TRIM22: variants seen among roughly 807,000 people sequenced by gnomAD.
The protein encoded by TRIM22 is E3 ubiquitin-protein ligase TRIM22.
TRIM22 carries 45 observed loss-of-function variants against 53.6 expected under a neutral mutation model. The observed-to-expected ratio is 0.84, with a 90% CI of 0.66 to 1.08. The LOEUF (loss-of-function observed/expected upper bound fraction) is 1.08, where lower values mean the gene tolerates loss of function less well. TRIM22 is among the 50% of genes least tolerant of loss of function. The probability of loss-of-function intolerance (pLI) is 0.00; values close to 1 mark genes in which losing one functional copy is unlikely to be tolerated. For missense variants in TRIM22, 616 were observed against 590.9 expected (o/e 1.04, Z -0.44); for synonymous variants, 225 against 216.6 (o/e 1.04, Z -0.34).
intron 6 of TRIM22, 140 bp downstream of exon 6, chr11:5,708,413 G>T (rs1252215055): frequency 1.0e-6 from 1 of 988,270 alleles, no homozygotes; most frequent in African/African-American, 1.6e-5. Context: ...TGTAGATGTG[G>T]TCCTGTCTTA....
intron 5 of TRIM22, 49 bp from the exon 6 acceptor site, chr11:5,708,124 A>G: frequency 7.0e-7 from 1 of 1,428,600 alleles, no homozygotes; most frequent in Non-Finnish European, 9.9e-7. Flanking sequence ...TCTTGGATGG[A>G]GAGAAATAGG....
At chr11:5,698,775 AT>A (rs1474113699) in intron 4 of TRIM22, among the ~76,000 whole-genome samples, 2 of 152,208 alleles carry the variant, frequency 1.3e-5, no homozygotes, top group Non-Finnish European at 2.9e-5. Flanking sequence ...CAGTGTAAAA[AT>A]TTGAGCTTGG....
intron 1 of TRIM22, among the ~76,000 whole-genome samples, chr11:5,692,876 C>CTTTTTTT (rs376485434): frequency 7.5e-6 from 1 of 132,918 alleles, no homozygotes; most frequent in Non-Finnish European, 1.6e-5. Context: ...TTAATTTAAT[C>CTTTTTTT]TTTTTTTTTT....
chr11:5,699,782 G>A (rs189956659), intron 4 of TRIM22, among the ~76,000 whole-genome samples: 1 of 144,648 alleles, frequency 6.9e-6, no homozygotes, highest in East Asian at 2.0e-4. Context: ...GTATCTCAAT[G>A]CAGTTTTGAT....
At chr11:5,706,705 A>C (rs1240576944) in intron 5 of TRIM22, 89 bp downstream of exon 5, 18 of 1,330,060 alleles carry the variant, frequency 1.4e-5, no homozygotes, top group Non-Finnish European at 1.8e-5. Context: ...AACAACTTAA[A>C]AAATCAAAAG....
Position 5,709,563 on chromosome 11 carries a change from G to A in TRIM22, c.1412G>A (p.Gly471Glu), listed in dbSNP as rs371139090. The A allele has an allele frequency of 1.4e-5, 23 of 1,613,716 alleles. No homozygotes were observed. The highest frequency in any genetic ancestry group is 3.3e-5 in the Admixed American group (2 of 59,964). ...NHGALIYKFSGCRFSRPAYPY... is the reference protein window; with the variant it reads ...NHGALIYKFSECRFSRPAYPY... ...GGAGCACTCATCTACAAGTTCTCTG[G>A]ATGTCGCTTTTCTCGACCTGCTTAT... is the stretch of plus-strand genomic sequence containing the variant. The change falls in exon 8 of 8, where the codon GGA becomes GAA. Residue 471 changes from glycine to glutamate, a missense_variant. Gly to Glu is a moderately conservative substitution (Grantham distance 98). Transcript: ENST00000379965.
intron 1 of TRIM22, among the ~76,000 whole-genome samples, 163 bp from the exon 2 acceptor site, chr11:5,696,004 A>G (rs1853253415): frequency 6.6e-6 from 1 of 152,206 alleles, no homozygotes; most frequent in South Asian, 2.1e-4. Context: ...AGTGTTTGAA[A>G]TTACTACAAA....
At chr11:5,695,236 GT>G (rs1853238048) in intron 1 of TRIM22, among the ~76,000 whole-genome samples, 1 of 152,194 alleles carries the variant, frequency 6.6e-6, no homozygotes, top group South Asian at 2.1e-4. Flanking sequence ...GTAAATTATA[GT>G]ATGTCCTTCT....
Position 5,709,354 on chromosome 11 carries a change from T to C in TRIM22, c.1203T>C (p.Tyr401=), listed in dbSNP as rs183243171. ...SVNYSKVYSR[Y]RPQYGYWVIG... ...ATTATTCAAAAGTTTACTCCAGATA[T>C]AGACCTCAATATGGCTACTGGGTTA... Residue 401 remains tyrosine (Y), a synonymous_variant, in exon 8 of 8, where the codon TAT becomes TAC. Transcript: ENST00000379965. 7.6e-3 allele frequency: 12,284 copies of C among 1,614,204 alleles called. 76 individuals carry two copies. The highest frequency in any genetic ancestry group is 9.7e-3 in the South Asian group (885 of 91,086).
intron 5 of TRIM22, among the ~76,000 whole-genome samples, chr11:5,707,702 CT>C (rs1360617470): frequency 1.3e-5 from 2 of 152,032 alleles, no homozygotes; most frequent in African/African-American, 2.4e-5. Context: ...ATCCCAGCTA[CT>C]TGGGAGGCTG....
chr11:5,705,898 C>T (rs1853450808), intron 4 of TRIM22, among the ~76,000 whole-genome samples: 1 of 152,102 alleles, frequency 6.6e-6, no homozygotes, highest in Non-Finnish European at 1.5e-5. Flanking sequence ...TGTATGAGAT[C>T]ACCTACAGTG....
rs770713012 is a variant in TRIM22, at chr11:5,706,617, G to C, written c.773+1G>C. 4.3e-6 allele frequency: 7 copies of C among 1,611,382 alleles called. No homozygotes were observed. Among genetic ancestry groups the C allele is most frequent in the African/African-American group, 1.3e-5 (1 of 74,830 alleles). ...AGGATGTGATTGACGTCATGAAAAG[G>C]TATATGTGGAAGAGAGATGTGGTCT... On this transcript the variant is annotated splice_donor_variant, in intron 5 of 7. Coordinates refer to ENST00000379965, the MANE Select transcript of TRIM22 (RefSeq NM_006074.5). LOFTEE classifies it high-confidence loss of function.
At chr11:5,692,072 C>T (rs371662201) in intron 1 of TRIM22, among the ~76,000 whole-genome samples, 12 of 151,810 alleles carry the variant, frequency 7.9e-5, no homozygotes, top group African/African-American at 2.4e-4. Context: ...CATTAAATAC[C>T]GGTAAGAGAT....
intron 1 of TRIM22, among the ~76,000 whole-genome samples, chr11:5,695,808 G>A (rs1853249383): frequency 6.6e-6 from 1 of 152,192 alleles, no homozygotes; most frequent in African/African-American, 2.4e-5. Context: ...CCCAGGGGCA[G>A]GGGTGTGTTT....
In TRIM22 at chr11:5,697,315, A is replaced by G. The variant is rs1202867482; in HGVS notation, c.491A>G (p.Asp164Gly). 1.2e-6 allele frequency: 2 copies of G among 1,613,634 alleles called. No homozygotes were observed. Among genetic ancestry groups the G allele is most frequent in the East Asian group, 2.2e-5 (1 of 44,892 alleles). The change falls in exon 3 of 8, where the codon GAC becomes GGC. Residue 164 changes from aspartate (D) to glycine (G), a missense_variant. Transcript: ENST00000379965. ...CAAGAGGCTGAGAAGCTGGAAGATG[A>G]CATCAGACAAGAGAGAACCGCCTGG... ...EDQEAEKLEDDIRQERTAWKN... is the reference protein window; with the variant it reads ...EDQEAEKLEDGIRQERTAWKN...
At chr11:5,690,176 G>A (rs1317511004) in intron 1 of TRIM22, among the ~76,000 whole-genome samples, 1 of 152,168 alleles carries the variant, frequency 6.6e-6, no homozygotes, top group African/African-American at 2.4e-5. Context: ...CACCTTCCTT[G>A]TTGGAAATAA....
chr11:5,695,565 G>GGTT (rs1853244183), intron 1 of TRIM22, among the ~76,000 whole-genome samples: 1 of 110,926 alleles, frequency 9.0e-6, no homozygotes, highest in Non-Finnish European at 2.1e-5. Flanking sequence ...ATGGCATTAG[G>GGTT]GTTTTTTTTT....
Position 5,698,353 on chromosome 11 carries a change from G to A in TRIM22, c.558G>A (p.Gly186=). ...IQIERQKILK[G]FNEMRVILDN... The stretch of plus-strand genomic sequence containing the variant: ...TCGAGAGACAGAAGATTCTGAAAGG[G>A]TTCAATGAAATGAGAGTCATCTTGG... Residue 186 remains glycine, a synonymous_variant, in exon 4 of 8, where the codon GGG becomes GGA. Transcript: ENST00000379965. 6.2e-7 allele frequency: 1 copy of A among 1,614,184 alleles called. No homozygotes were observed. The highest frequency in any genetic ancestry group is 2.2e-5 in the East Asian group (1 of 44,888).
chr11:5,705,897 T>C (rs1853450745), intron 4 of TRIM22, among the ~76,000 whole-genome samples: 1 of 152,146 alleles, frequency 6.6e-6, no homozygotes, highest in East Asian at 1.9e-4. Flanking sequence ...ATGTATGAGA[T>C]CACCTACAGT....
Sources: gnomAD v4.1 joint callset for allele counts (sites outside exome capture counted in the v4.1 genomes callset) on GRCh38, gnomAD v4.1.1 for gene constraint, MANE v1.5 for transcripts, NCBI Gene and HGNC (gene_info 2026-07-23, HGNC 2026-07-21) for gene names.